Variants in POLB observed in about 807,000 individuals in gnomAD.
POLB encodes the protein DNA polymerase beta, also known as 5'-dRP lyase.
A neutral mutation model predicts 52.7 loss-of-function variants in POLB; 37 were observed. The ratio of observed to expected loss-of-function variants is 0.70; its 90% CI spans 0.54 to 0.92. The LOEUF is 0.92. POLB is among the 40% of genes least tolerant of loss of function. The pLI is 0.00. For missense variants in POLB, 313 were observed against 400.8 expected (o/e 0.78, Z 1.87); for synonymous variants, 138 against 131.3 (o/e 1.05, Z -0.35).
At chr8:42,343,345 A>AAAAAAT (rs1554531633) in intron 2 of POLB, among the ~76,000 whole-genome samples, 2 of 33,066 alleles carry the variant, frequency 6.0e-5, no homozygotes, top group African/African-American at 1.2e-4. Flanking sequence ...AAAAAAAAAA[A>AAAAAAT]ATATATATAT....
At chr8:42,343,369 T>TATATATAAAC (rs761101423) in intron 2 of POLB, among the ~76,000 whole-genome samples, 1 of 36,320 alleles carries the variant, frequency 2.8e-5, no homozygotes, top group African/African-American at 5.6e-5. Context: ...TATATATATA[T>TATATATAAAC]ACACAAAATT....
At chr8:42,346,327 G>A (rs1206604600) in intron 3 of POLB, among the ~76,000 whole-genome samples, 1 of 151,234 alleles carries the variant, frequency 6.6e-6, no homozygotes, top group African/African-American at 2.4e-5. Context: ...ATTAATATTT[G>A]ATTATCTTTT....
intron 3 of POLB, among the ~76,000 whole-genome samples, chr8:42,346,173 G>C (rs1822598016): frequency 6.6e-6 from 1 of 152,026 alleles, no homozygotes; most frequent in South Asian, 2.1e-4. Context: ...CCACTGCCTT[G>C]AGCCTCCCAA....
At chr8:42,369,516 A>G (rs1162318986) in intron 12 of POLB, 181 bp downstream of exon 12, 6 of 531,766 alleles carry the variant, frequency 1.1e-5, no homozygotes, top group Admixed American at 7.2e-5. Context: ...ATGACTGTCT[A>G]CAGACTCCAA....
chr8:42,358,217 T>C (rs1351847530), intron 9 of POLB, among the ~76,000 whole-genome samples: 1 of 152,060 alleles, frequency 6.6e-6, no homozygotes, highest in East Asian at 1.9e-4. Context: ...AAATATTAAC[T>C]TTTGGCCAGG....
At chr8:42,344,134 CAAAAAAAA>C (rs34085444) in intron 2 of POLB, among the ~76,000 whole-genome samples, 11 of 59,018 alleles carry the variant, frequency 1.9e-4, no homozygotes, top group Non-Finnish European at 2.3e-4. Context: ...GACTCCGTCT[CAAAAAAAA>C]AAAAAAAAAA....
At chr8:42,349,920 T>C in intron 4 of POLB, 87 bp from the exon 5 acceptor site, 1 of 920,606 alleles carries the variant, frequency 1.1e-6, no homozygotes, top group Non-Finnish European at 1.8e-6. Context: ...TCTTCATGTC[T>C]TTTAGCAGAC....
rs1051791918 is a variant in POLB, at chr8:42,342,524, T to A, written c.120-2429T>A. ...GTGTTGTATTTATTTTTATCCTGTA[T>A]TACCAAGCGTTTCTGAGCATAGTAA... On this transcript the variant is annotated intron_variant, in intron 2 of 13. Coordinates refer to ENST00000265421, the MANE Select transcript of POLB (RefSeq NM_002690.3). 10 of 856,988 alleles carry A rather than the reference T, an allele frequency of 1.2e-5. No individual in the cohort carries two copies. The African/African-American group carries it at 1.5e-4, about 13-fold the overall frequency. 53.1% of individuals were successfully genotyped at this position (856,988 alleles called of 1,614,324 possible).
chr8:42,369,701 A>G (rs1824259130), intron 12 of POLB, 148 bp from the exon 13 acceptor site: 1 of 553,142 alleles, frequency 1.8e-6, no homozygotes, highest in African/African-American at 1.9e-5. Context: ...TGATTTGAGC[A>G]GTCTACCTCA....
chr8:42,350,863 A>G (rs2130802972), intron 5 of POLB, among the ~76,000 whole-genome samples: 1 of 90,328 alleles, frequency 1.1e-5, no homozygotes, highest in Non-Finnish European at 2.4e-5. Context: ...CATTGGAAGA[A>G]TTACAAAAAT....
In POLB at chr8:42,369,887, A is replaced by AT; in HGVS notation, c.815dup (p.Thr273HisfsTer4). On this transcript the variant is annotated frameshift_variant, in exon 13 of 14. Coordinates refer to ENST00000265421, the MANE Select transcript of POLB (RefSeq NM_002690.3). LOFTEE classifies it high-confidence loss of function. ...GATCAGTATTACTGTGGTGTTCTCT[A>AT]TTTCACTGGGAGTGATATTTTCAAT... 6.2e-7 allele frequency: 1 copy of AT among 1,606,426 alleles called. No homozygotes were observed. Among genetic ancestry groups the AT allele is most frequent in the Non-Finnish European group, 8.5e-7 (1 of 1,174,216 alleles).
intron 11 of POLB, among the ~76,000 whole-genome samples, chr8:42,368,019 C>T (rs1176040936): frequency 6.6e-6 from 1 of 152,142 alleles, no homozygotes; most frequent in East Asian, 1.9e-4. Context: ...AAATGCCAAA[C>T]AAAGCTAATC....
At chr8:42,352,962 T>C (rs1218050122) in intron 6 of POLB, among the ~76,000 whole-genome samples, 3 of 151,214 alleles carry the variant, frequency 2.0e-5, no homozygotes, top group Non-Finnish European at 2.9e-5. Flanking sequence ...TAATCCCAGC[T>C]ACTCAGGAGG....
rs1465094945 is a variant in POLB, at chr8:42,344,513, CT to C, written c.120-439del. Among the ~76,000 whole-genome samples, 5 of 150,992 alleles carry C rather than the reference CT, an allele frequency of 3.3e-5. No homozygotes were observed. The South Asian group carries it at 8.4e-4, about 25-fold the overall frequency. The stretch of plus-strand genomic sequence containing the variant: ...AGACATATATTAGGTGGTCTGTCAG[CT>C]CATCTGATTTTTAAGTTCCATATGG... On this transcript the variant is annotated intron_variant, in intron 2 of 13. Transcript: ENST00000265421.
chr8:42,343,181 G>T (rs868204219), intron 2 of POLB, among the ~76,000 whole-genome samples: 28 of 151,506 alleles, frequency 1.8e-4, no homozygotes, highest in African/African-American at 6.5e-4. Context: ...AATTAGCCAG[G>T]CGTGGTGGCG....
At chr8:42,369,064 T>C (rs1824214563) in intron 11 of POLB, 1 of 380,766 alleles carries the variant, frequency 2.6e-6, no homozygotes. Flanking sequence ...GAATCCTTAT[T>C]TGCAGTTTTG....
intron 3 of POLB, among the ~76,000 whole-genome samples, chr8:42,348,016 A>G (rs1173864722): frequency 2.0e-5 from 3 of 152,176 alleles, no homozygotes; most frequent in Non-Finnish European, 4.4e-5. Context: ...AAGACACTAT[A>G]TAGTGCCCAT....
At chr8:42,345,737 T>A (rs180734388) in intron 3 of POLB, among the ~76,000 whole-genome samples, 3 of 152,334 alleles carry the variant, frequency 2.0e-5, no homozygotes, top group Admixed American at 2.0e-4. Context: ...TTGGACATTC[T>A]GGAATGTGGA....
chr8:42,339,287 A>G (rs1822046192), intron 2 of POLB: 1 of 563,708 alleles, frequency 1.8e-6, no homozygotes. Flanking sequence ...AGATAGCTGT[A>G]GCCTGATACG....
Sources: gnomAD v4.1 joint callset for allele counts (sites outside exome capture counted in the v4.1 genomes callset) on GRCh38, gnomAD v4.1.1 for gene constraint, MANE v1.5 for transcripts, NCBI Gene and HGNC (gene_info 2026-07-23, HGNC 2026-07-21) for gene names.